The following STMN2 variants were observed in gnomAD, a reference collection of about 807,000 sequenced individuals.
The protein encoded by STMN2 is stathmin-2.
A neutral mutation model predicts 24.1 loss-of-function variants in STMN2; 2 were observed. That is an observed-to-expected ratio of 0.08 (90% CI 0.03 to 0.26). STMN2 has a LOEUF of 0.26. Ranked by LOEUF, STMN2 falls within the 10% of genes least tolerant of loss-of-function variation. The pLI, the probability that STMN2 is intolerant of heterozygous loss-of-function variation, is 1.00. For synonymous variants in STMN2, 83 were observed against 77.5 expected (o/e 1.07, Z -0.37); for missense variants, 114 against 213.6 (o/e 0.53, Z 2.91).
chr8:79,664,769 G>A, intron 4 of STMN2, 46 bp from the exon 5 acceptor site: 2 of 1,600,664 alleles, frequency 1.2e-6, no homozygotes, highest in Non-Finnish European at 1.7e-6. Flanking sequence ...CAAAGGACCA[G>A]ACAAAAAGGG....
At chr8:79,626,790 T>C (rs985474825) in intron 1 of STMN2, among the ~76,000 whole-genome samples, 2 of 152,150 alleles carry the variant, frequency 1.3e-5, no homozygotes, top group Non-Finnish European at 2.9e-5. Context: ...GGAGATGCCT[T>C]CCCTTGCCCT....
intron 1 of STMN2, among the ~76,000 whole-genome samples, chr8:79,630,986 TA>T (rs1336092700): frequency 6.6e-6 from 1 of 152,172 alleles, no homozygotes; most frequent in Non-Finnish European, 1.5e-5. Context: ...ATTACTCCTC[TA>T]AACCACAGTG....
At chr8:79,642,894 T>A (rs1461437633) in intron 3 of STMN2, among the ~76,000 whole-genome samples, 1 of 148,962 alleles carries the variant, frequency 6.7e-6, no homozygotes, top group Non-Finnish European at 1.5e-5. Context: ...ATATGAATTT[T>A]TATATATATA....
At position 79,664,857 on chromosome 8, in the gene STMN2, G is replaced by T. The variant is rs955471652; in HGVS notation, c.523G>T (p.Val175Phe). 6.2e-7 allele frequency: 1 copy of T among 1,613,132 alleles called. No individual in the cohort carries two copies. Among genetic ancestry groups the T allele is most frequent in the Non-Finnish European group, 8.5e-7 (1 of 1,179,550 alleles). ...GGTGCGCAGGAACAAGGAACTCCAG[G>T]TTGAACTGTCTGGCTGAAGCAAGGG... The part of the protein sequence containing the change: ...AEVRRNKELQ[V>F]ELSG The change falls in exon 5 of 5, where the codon GTT becomes TTT. Residue 175 changes from valine to phenylalanine, a missense_variant. Coordinates refer to ENST00000220876, the MANE Select transcript of STMN2 (RefSeq NM_007029.4).
intron 4 of STMN2, among the ~76,000 whole-genome samples, chr8:79,660,515 G>A (rs1182619488): frequency 1.3e-5 from 2 of 152,080 alleles, no homozygotes; most frequent in Non-Finnish European, 2.9e-5. Context: ...TCTAGAAAAT[G>A]TCAAATGAAA....
At chr8:79,611,556 A>G (rs192638071) in intron 1 of STMN2, among the ~76,000 whole-genome samples, 42 of 148,494 alleles carry the variant, frequency 2.8e-4, no homozygotes, top group African/African-American at 1.0e-3. Flanking sequence ...GACATTTTGG[A>G]AAGTGCTTTA....
chr8:79,653,149 G>C (rs929868046), intron 3 of STMN2, among the ~76,000 whole-genome samples: 1 of 151,984 alleles, frequency 6.6e-6, no homozygotes, highest in Admixed American at 6.6e-5. Flanking sequence ...AGGCCGAGGC[G>C]GGTGGATCAC....
rs186413285 is a variant in STMN2 at position 79,642,890 on chromosome 8, A to G, written c.288+1340A>G. 1.2e-3 allele frequency among the ~76,000 whole-genome samples: 172 copies of G among 147,802 alleles called. 1 individual carries two copies. The highest frequency in any genetic ancestry group is 4.0e-3 in the African/African-American group (162 of 40,750). On this transcript the variant is annotated intron_variant, in intron 3 of 4. Transcript: ENST00000220876. ...GAGCATGTCATATATATATATATGAATTTTTATATATATAATTACAATGGT... is the reference window on the plus strand; with the variant it reads ...GAGCATGTCATATATATATATATGAGTTTTTATATATATAATTACAATGGT...
At chr8:79,617,900 T>C (rs1809421433) in intron 1 of STMN2, among the ~76,000 whole-genome samples, 1 of 152,258 alleles carries the variant, frequency 6.6e-6, no homozygotes, top group African/African-American at 2.4e-5. Flanking sequence ...ACATATTAAC[T>C]GTGTTAATCA....
chr8:79,614,306 AT>A (rs1809331209), intron 1 of STMN2, among the ~76,000 whole-genome samples: 1 of 152,250 alleles, frequency 6.6e-6, no homozygotes, highest in Non-Finnish European at 1.5e-5. Context: ...TCATTAAACA[AT>A]TATGTATTCA....
intron 4 of STMN2, among the ~76,000 whole-genome samples, chr8:79,659,216 G>A (rs1162049150): frequency 6.6e-6 from 1 of 152,214 alleles, no homozygotes; most frequent in Non-Finnish European, 1.5e-5. Flanking sequence ...TGTGGGAGAA[G>A]GGATGCCTGT....
chr8:79,663,554 G>A, intron 4 of STMN2: 2 of 1,449,676 alleles, frequency 1.4e-6, no homozygotes, highest in Non-Finnish European at 1.8e-6. Flanking sequence ...GATTAATAGA[G>A]TTTAACGATA....
intron 1 of STMN2, among the ~76,000 whole-genome samples, chr8:79,616,158 G>C (rs1809377626): frequency 6.6e-6 from 1 of 152,126 alleles, no homozygotes; most frequent in Non-Finnish European, 1.5e-5. Flanking sequence ...ACTGACTGCT[G>C]TTATTTTTCC....
chr8:79,659,596 T>C (rs1002190179), intron 4 of STMN2, among the ~76,000 whole-genome samples: 3 of 152,228 alleles, frequency 2.0e-5, no homozygotes, highest in Non-Finnish European at 1.5e-5. Context: ...GTGAGACAGT[T>C]AGTTTTGAAA....
chr8:79,663,585 C>A (rs924925587), intron 4 of STMN2: 1 of 1,524,644 alleles, frequency 6.6e-7, no homozygotes, highest in South Asian at 1.2e-5. Context: ...TATAGCTGGT[C>A]AAGTTTATTT....
intron 2 of STMN2, 138 bp from the exon 3 acceptor site, chr8:79,641,240 G>A: frequency 1.2e-6 from 1 of 822,024 alleles, no homozygotes; most frequent in South Asian, 1.9e-5. Flanking sequence ...ACAACATAGA[G>A]CAAATGCTCA....
intron 4 of STMN2, among the ~76,000 whole-genome samples, chr8:79,662,162 A>G (rs756274502): frequency 7.4e-4 from 112 of 152,254 alleles, no homozygotes; most frequent in Admixed American, 1.4e-3. Context: ...CCTAAAATCA[A>G]CTTTCATACA....
At chr8:79,626,318 G>A (rs994604634) in intron 1 of STMN2, among the ~76,000 whole-genome samples, 1 of 152,186 alleles carries the variant, frequency 6.6e-6, no homozygotes, top group African/African-American at 2.4e-5. Context: ...TCCTTACATA[G>A]AGAAGGTTGA....
chr8:79,641,578 C>A, intron 3 of STMN2, 28 bp downstream of exon 3: 1 of 1,602,262 alleles, frequency 6.2e-7, no homozygotes, highest in Non-Finnish European at 8.5e-7. Context: ...TTTTCCTTCT[C>A]TCTCTCCCTC....
Sources: gnomAD v4.1 joint callset for allele counts (sites outside exome capture counted in the v4.1 genomes callset) on GRCh38, gnomAD v4.1.1 for gene constraint, MANE v1.5 for transcripts, NCBI Gene and HGNC (gene_info 2026-07-23, HGNC 2026-07-21) for gene names.